Variants in SLC35F1 observed in about 807,000 individuals in gnomAD.
The protein encoded by SLC35F1 is solute carrier family 35 member F1.
Under a neutral mutation model 48.7 loss-of-function variants are expected in SLC35F1, and 14 were observed. The ratio of observed to expected loss-of-function variants is 0.29; its 90% CI spans 0.19 to 0.45. The LOEUF is 0.45. Ranked by LOEUF, SLC35F1 falls within the 20% of genes least tolerant of loss-of-function variation. The pLI, the probability that SLC35F1 is intolerant of heterozygous loss-of-function variation, is 1.00. For synonymous variants in SLC35F1, 190 were observed against 202.2 expected (o/e 0.94, Z 0.51); for missense variants, 404 against 500.0 (o/e 0.81, Z 1.83).
At chr6:118,036,080 A>T (rs1032919518) in intron 1 of SLC35F1, among the ~76,000 whole-genome samples, 1 of 151,956 alleles carries the variant, frequency 6.6e-6, no homozygotes, top group Admixed American at 6.6e-5. Flanking sequence ...ACTTCTATTT[A>T]TTTTAAGTTT....
intron 1 of SLC35F1, among the ~76,000 whole-genome samples, chr6:117,998,367 G>A (rs1304267646): frequency 2.0e-5 from 3 of 151,398 alleles, no homozygotes; most frequent in African/African-American, 4.9e-5. Context: ...ACAGATCAAC[G>A]AGACAGAAAG....
At chr6:118,062,346 AT>A (rs1282772447) in intron 1 of SLC35F1, among the ~76,000 whole-genome samples, 10 of 152,162 alleles carry the variant, frequency 6.6e-5, no homozygotes, top group Non-Finnish European at 1.2e-4. Context: ...TCTATTTCAA[AT>A]TATTTCTTTT....
At chr6:117,969,546 A>G (rs1776613059) in intron 1 of SLC35F1, among the ~76,000 whole-genome samples, 1 of 152,150 alleles carries the variant, frequency 6.6e-6, no homozygotes, top group Non-Finnish European at 1.5e-5. Context: ...ACATAGTGAG[A>G]CTTCATCTCT....
At chr6:118,273,852 A>G (rs1775887976) in intron 4 of SLC35F1, among the ~76,000 whole-genome samples, 1 of 152,094 alleles carries the variant, frequency 6.6e-6, no homozygotes, top group Admixed American at 6.6e-5. Flanking sequence ...CTTGAGGATG[A>G]CTCCAGCACA....
intron 1 of SLC35F1, among the ~76,000 whole-genome samples, chr6:117,924,435 CACAT>C (rs1775993668): frequency 9.0e-6 from 1 of 110,770 alleles, no homozygotes; most frequent in Non-Finnish European, 1.9e-5. Flanking sequence ...ATACGCATAA[CACAT>C]ATATACACAT....
At chr6:118,055,227 T>C (rs1772447298) in intron 1 of SLC35F1, among the ~76,000 whole-genome samples, 1 of 152,234 alleles carries the variant, frequency 6.6e-6, no homozygotes, top group African/African-American at 2.4e-5. Flanking sequence ...AATGGATACA[T>C]GCATTCTTGA....
chr6:118,052,283 A>G (rs1427684924), intron 1 of SLC35F1, among the ~76,000 whole-genome samples: 2 of 152,188 alleles, frequency 1.3e-5, no homozygotes, highest in African/African-American at 4.8e-5. Context: ...TCGTTCACAT[A>G]CAATCTCAAA....
chr6:118,158,076 C>T (rs375709883), intron 2 of SLC35F1, among the ~76,000 whole-genome samples: 9 of 152,140 alleles, frequency 5.9e-5, no homozygotes, highest in Non-Finnish European at 8.8e-5. Flanking sequence ...TTCTGACTAC[C>T]GATACCAGTC....
intron 3 of SLC35F1, among the ~76,000 whole-genome samples, chr6:118,250,038 A>G (rs2114602049): frequency 6.6e-6 from 1 of 152,334 alleles, no homozygotes; most frequent in Non-Finnish European, 1.5e-5. Context: ...GTTCAGAGTA[A>G]TAGAAATTAT....
At chr6:118,220,985 G>A (rs890701861) in intron 2 of SLC35F1, among the ~76,000 whole-genome samples, 2 of 152,126 alleles carry the variant, frequency 1.3e-5, no homozygotes, top group Non-Finnish European at 2.9e-5. Flanking sequence ...GACACAGAAG[G>A]CTTCACTTGG....
chr6:117,975,290 G>T (rs1347457388), intron 1 of SLC35F1, among the ~76,000 whole-genome samples: 1 of 152,126 alleles, frequency 6.6e-6, no homozygotes, highest in African/African-American at 2.4e-5. Flanking sequence ...GAAGTTATTT[G>T]ACAAAAATAA....
intron 1 of SLC35F1, among the ~76,000 whole-genome samples, chr6:117,948,831 C>G (rs921070440): frequency 6.6e-6 from 1 of 151,830 alleles, no homozygotes; most frequent in African/African-American, 2.4e-5. Flanking sequence ...GTACTTCACG[C>G]AAGAGATAAT....
At chr6:117,934,243 A>G (rs1263836944) in intron 1 of SLC35F1, among the ~76,000 whole-genome samples, 1 of 152,192 alleles carries the variant, frequency 6.6e-6, no homozygotes, top group Non-Finnish European at 1.5e-5. Context: ...AGTATGGTGC[A>G]GTTCAGCGTG....
intron 1 of SLC35F1, among the ~76,000 whole-genome samples, chr6:118,119,276 A>T (rs1460991326): frequency 6.6e-6 from 1 of 152,118 alleles, no homozygotes; most frequent in East Asian, 1.9e-4. Flanking sequence ...AGCTAAAGAG[A>T]TGTATATATT....
chr6:118,198,004 G>A (rs1055068594), intron 2 of SLC35F1, among the ~76,000 whole-genome samples: 9 of 152,030 alleles, frequency 5.9e-5, no homozygotes, highest in Non-Finnish European at 8.8e-5. Flanking sequence ...TTTATTAAGA[G>A]CATTTTCTAT....
chr6:117,934,441 T>C (rs552439259), intron 1 of SLC35F1, among the ~76,000 whole-genome samples: 1 of 152,300 alleles, frequency 6.6e-6, no homozygotes, highest in South Asian at 2.1e-4. Flanking sequence ...ATTAAGGATA[T>C]ATTTTTAGAT....
chr6:118,205,924 A>G (rs1342112117), intron 2 of SLC35F1, among the ~76,000 whole-genome samples: 1 of 152,176 alleles, frequency 6.6e-6, no homozygotes, highest in African/African-American at 2.4e-5. Flanking sequence ...TATGAGGTAT[A>G]TAGACTAGGT....
chr6:117,922,952 G>T (rs1775918967), intron 1 of SLC35F1, among the ~76,000 whole-genome samples: 1 of 152,164 alleles, frequency 6.6e-6, no homozygotes, highest in African/African-American at 2.4e-5. Flanking sequence ...CATAAGCATG[G>T]AGAGCTTAGA....
chr6:118,222,268 T>C (rs1775161602), intron 2 of SLC35F1, among the ~76,000 whole-genome samples: 1 of 152,210 alleles, frequency 6.6e-6, no homozygotes, highest in Non-Finnish European at 1.5e-5. Flanking sequence ...ACTTTGAGTA[T>C]CCAGCTTATA....
Sources: allele counts gnomAD v4.1 joint callset (sites outside exome capture counted in the v4.1 genomes callset), GRCh38; gene constraint gnomAD v4.1.1; transcripts MANE v1.5; gene names NCBI Gene and HGNC (gene_info 2026-07-23, HGNC 2026-07-21).